The following IGSF11 variants were observed in gnomAD, a reference collection of about 807,000 sequenced individuals.
IGSF11 encodes the protein CXADR like 1.
In IGSF11, 22 loss-of-function variants were observed where a neutral mutation model predicts 41.0. The observed-to-expected ratio is 0.54, with a 90% CI of 0.38 to 0.77. The LOEUF (loss-of-function observed/expected upper bound fraction) is 0.77. Among genes scored for constraint, IGSF11 ranks in the 30% least tolerant of loss-of-function variants. IGSF11 has a pLI of 0.00. For missense variants in IGSF11, 444 were observed against 530.8 expected (o/e 0.84, Z 1.61); for synonymous variants, 219 against 201.3 (o/e 1.09, Z -0.74).
chr3:119,137,142 T>C (rs1159788264), intron 1 of IGSF11, among the ~76,000 whole-genome samples: 1 of 152,056 alleles, frequency 6.6e-6, no homozygotes, highest in Non-Finnish European at 1.5e-5. Context: ...TAAATGTCCA[T>C]ACTACCCAAA....
At chr3:119,017,495 T>C (rs1316037422) in intron 1 of IGSF11, among the ~76,000 whole-genome samples, 5 of 152,214 alleles carry the variant, frequency 3.3e-5, no homozygotes, top group Non-Finnish European at 7.3e-5. Flanking sequence ...AACCAAAACA[T>C]CATCATGCAG....
chr3:118,938,559 A>G (rs1176628531), intron 1 of IGSF11, among the ~76,000 whole-genome samples: 2 of 152,242 alleles, frequency 1.3e-5, no homozygotes, highest in African/African-American at 2.4e-5. Flanking sequence ...TTGCAGTGTT[A>G]TGATGGACAT....
intron 1 of IGSF11, among the ~76,000 whole-genome samples, chr3:119,009,145 T>G (rs911761297): frequency 6.6e-6 from 1 of 152,196 alleles, no homozygotes; most frequent in Non-Finnish European, 1.5e-5. Context: ...CTTTAGTCTA[T>G]TTCCTTCAAT....
intron 1 of IGSF11, among the ~76,000 whole-genome samples, chr3:118,933,348 A>C (rs896607764): frequency 7.9e-5 from 12 of 152,058 alleles, no homozygotes; most frequent in African/African-American, 2.4e-4. Context: ...AAGGGGTATG[A>C]TGAGGGCAGT....
intron 4 of IGSF11, 140 bp from the exon 5 acceptor site, chr3:118,905,858 T>C: frequency 1.1e-6 from 1 of 877,852 alleles, no homozygotes; most frequent in Non-Finnish European, 1.7e-6. Flanking sequence ...GGTGAGAAAT[T>C]ATTGGTTCAT....
At chr3:119,016,058 A>C (rs1216279023) in intron 1 of IGSF11, among the ~76,000 whole-genome samples, 1 of 152,244 alleles carries the variant, frequency 6.6e-6, no homozygotes, top group Non-Finnish European at 1.5e-5. Flanking sequence ...CCAGGCAGAA[A>C]GGCTGAGCTA....
chr3:119,088,210 A>T (rs1377958011), intron 1 of IGSF11, among the ~76,000 whole-genome samples: 7 of 151,032 alleles, frequency 4.6e-5, no homozygotes, highest in Non-Finnish European at 8.9e-5. Context: ...AATTAAAATC[A>T]TACCAGGAAC....
chr3:119,077,812 A>G (rs548676178), intron 1 of IGSF11, among the ~76,000 whole-genome samples: 1 of 152,352 alleles, frequency 6.6e-6, no homozygotes, highest in East Asian at 1.9e-4. Flanking sequence ...CCTGGATTTT[A>G]TAAATAACTT....
At position 119,005,232 on chromosome 3, in the gene IGSF11, T is replaced by C. The variant is rs940161936; in HGVS notation, c.52+29299A>G. ...CCATTATGTAATGGCCTTCTTTGTCTCTTTTGATCTTTGTTGGTTTAAAGT... is the reference window on the plus strand; with the variant it reads ...CCATTATGTAATGGCCTTCTTTGTCCCTTTTGATCTTTGTTGGTTTAAAGT... On this transcript the variant is annotated intron_variant, in intron 1 of 6. Transcript: ENST00000393775. 2.7e-5 allele frequency among the ~76,000 whole-genome samples: 4 copies of C among 146,454 alleles called. No individual in the cohort carries two copies. In the South Asian group the frequency reaches 6.6e-4, roughly 24 times the overall value.
intron 6 of IGSF11, among the ~76,000 whole-genome samples, chr3:118,904,014 A>G (rs779747155): frequency 6.6e-6 from 1 of 152,176 alleles, no homozygotes; most frequent in African/African-American, 2.4e-5. Flanking sequence ...GAGAGAGAAG[A>G]TACGCAGGCA....
At chr3:119,070,327 T>A (rs2076378618) in intron 1 of IGSF11, among the ~76,000 whole-genome samples, 1 of 152,216 alleles carries the variant, frequency 6.6e-6, no homozygotes, top group South Asian at 2.1e-4. Context: ...TGCTGGTAAT[T>A]ATACCTATGT....
chr3:119,048,051 AT>A (rs1426768625), intron 1 of IGSF11, among the ~76,000 whole-genome samples: 1 of 151,276 alleles, frequency 6.6e-6, no homozygotes, highest in Non-Finnish European at 1.5e-5. Flanking sequence ...AGCAGGAAAG[AT>A]CCAAAATTGA....
intron 1 of IGSF11, among the ~76,000 whole-genome samples, chr3:119,129,236 T>C (rs115732463): frequency 1.3e-5 from 2 of 152,286 alleles, no homozygotes; most frequent in Admixed American, 6.5e-5. Context: ...CGTATACCTA[T>C]GTACCAAACC....
intron 1 of IGSF11, among the ~76,000 whole-genome samples, chr3:119,110,276 G>A (rs1406200576): frequency 6.6e-6 from 1 of 151,998 alleles, no homozygotes; most frequent in African/African-American, 2.4e-5. Context: ...GGGTGCTCCT[G>A]TATTGGGTGC....
At chr3:119,104,416 T>C (rs1000230767) in intron 1 of IGSF11, among the ~76,000 whole-genome samples, 7 of 152,178 alleles carry the variant, frequency 4.6e-5, no homozygotes, top group Non-Finnish European at 5.9e-5. Flanking sequence ...TTGCCTGGAA[T>C]AGGCTTCTCC....
chr3:119,039,526 A>G (rs923691171), upstream of IGSF11, among the ~76,000 whole-genome samples: 6 of 152,188 alleles, frequency 3.9e-5, no homozygotes, highest in African/African-American at 1.4e-4. Context: ...CCCCTTTGCC[A>G]TAGGAGGTAA....
At chr3:118,903,094 G>T (rs1441000750) in intron 6 of IGSF11, 133 bp from the exon 7 acceptor site, 3 of 822,746 alleles carry the variant, frequency 3.6e-6, no homozygotes, top group Non-Finnish European at 3.7e-6. Context: ...ACTCTATCGT[G>T]AAAGCAGGCA....
chr3:118,972,162 T>A (rs552264867), intron 1 of IGSF11, among the ~76,000 whole-genome samples: 2 of 152,298 alleles, frequency 1.3e-5, no homozygotes, highest in African/African-American at 4.8e-5. Flanking sequence ...AACTTGAGAT[T>A]TGGGGGTTTA....
chr3:119,114,238 T>A lies in IGSF11; in HGVS notation c.-13-9033A>T, dbSNP rs375952656. 3.3e-5 allele frequency among the ~76,000 whole-genome samples: 5 copies of A among 152,246 alleles called. No homozygotes were observed. In the East Asian group the frequency reaches 5.8e-4, roughly 18 times the overall value. On this transcript the variant is annotated intron_variant, in intron 1 of 7. Transcript: ENST00000425327. ...TGCAAATTTCTGCAGCCAGCTTGAA[T>A]TCGTCCCCAGAAAATGGGTTTTTCC...
Sources: allele counts gnomAD v4.1 joint callset (sites outside exome capture counted in the v4.1 genomes callset), GRCh38; gene constraint gnomAD v4.1.1; transcripts MANE v1.5; gene names NCBI Gene and HGNC (gene_info 2026-07-23, HGNC 2026-07-21).